SLC6A4: variants seen among roughly 807,000 people sequenced by gnomAD.
SLC6A4 encodes the protein sodium-dependent serotonin transporter.
A neutral mutation model predicts 73.4 loss-of-function variants in SLC6A4; 22 were observed. The ratio of observed to expected loss-of-function variants is 0.30; its 90% CI spans 0.21 to 0.43. The LOEUF (loss-of-function observed/expected upper bound fraction) is 0.43. Among genes scored for constraint, SLC6A4 ranks in the 20% least tolerant of loss-of-function variants. The pLI, the probability that SLC6A4 is intolerant of heterozygous loss-of-function variation, is 1.00. For missense variants in SLC6A4, 593 were observed against 808.5 expected, an observed-to-expected ratio of 0.73 and a Z score of 3.23; for synonymous variants, 270 against 315.5, an observed-to-expected ratio of 0.86 and a Z score of 1.53.
In SLC6A4 at chr17:30,222,863, C is replaced by A. The variant is rs1334026994; in HGVS notation, c.-168G>T. ...TTGCCAGCAACTCCTGTGGCTAAGC[C>A]CCTTGTTATTCTGCAAGAGAGGGCA... On this transcript the variant is annotated 5_prime_UTR_variant, in exon 2 of 15. Transcript: ENST00000650711. 7.7e-7 allele frequency: 1 copy of A among 1,304,142 alleles called. No homozygotes were observed. 80.8% of individuals were successfully genotyped at this position (1,304,142 alleles called of 1,614,324 possible). A position where few individuals can be genotyped will look rare whatever the true frequency, so the allele number is the denominator to read the frequency against.
intron 14 of SLC6A4, among the ~76,000 whole-genome samples, chr17:30,200,361 T>C (rs1905994907): frequency 6.6e-6 from 1 of 152,222 alleles, no homozygotes; most frequent in African/African-American, 2.4e-5. Flanking sequence ...ATCTAAGAAA[T>C]GGATTCCTCT....
Position 30,210,647 on chromosome 17 carries a change from CTG to C in SLC6A4, c.1318-3_1318-2del. On this transcript the variant is annotated splice_acceptor_variant and splice_polypyrimidine_tract_variant and intron_variant, in intron 10 of 14. Transcript: ENST00000650711. LOFTEE classifies it high-confidence loss of function. The stretch of plus-strand genomic sequence containing the variant: ...TGATCACCCCCTCCAAGCCTGCAAA[CTG>C]AGAGGTACAGGCAAGCAGTCACGGT... 1.9e-6 allele frequency: 3 copies of C among 1,611,238 alleles called. No individual in the cohort carries two copies. Among genetic ancestry groups the C allele is most frequent in the Non-Finnish European group, 2.5e-6 (3 of 1,178,602 alleles).
chr17:30,225,926 C>G (rs991853644), intron 1 of SLC6A4, among the ~76,000 whole-genome samples: 1 of 152,208 alleles, frequency 6.6e-6, no homozygotes, highest in Non-Finnish European at 1.5e-5. Context: ...ATTCCTCTTT[C>G]CACACACTTT....
intron 8 of SLC6A4, 89 bp downstream of exon 8, chr17:30,215,522 G>C: frequency 9.3e-7 from 1 of 1,074,748 alleles, no homozygotes; most frequent in Non-Finnish European, 1.4e-6. Flanking sequence ...GGCCAGATTC[G>C]AGGCCGTCGG....
At chr17:30,227,054 G>A (rs1906951949) in intron 1 of SLC6A4, among the ~76,000 whole-genome samples, 2 of 152,178 alleles carry the variant, frequency 1.3e-5, no homozygotes, top group Admixed American at 6.5e-5. Context: ...CTGGCTCGCC[G>A]CGGCGTGTTT....
chr17:30,225,738 A>G (rs771089208), intron 1 of SLC6A4, among the ~76,000 whole-genome samples: 2 of 152,154 alleles, frequency 1.3e-5, no homozygotes, highest in Non-Finnish European at 1.5e-5. Context: ...GTGGAATGAC[A>G]GCTGGCAGAC....
intron 14 of SLC6A4, among the ~76,000 whole-genome samples, chr17:30,202,403 G>C (rs1246737187): frequency 3.9e-5 from 6 of 152,294 alleles, no homozygotes. Context: ...GAGATTACAG[G>C]TGTGAGCCAC....
At chr17:30,210,951 A>G (rs1906367118) in intron 10 of SLC6A4, among the ~76,000 whole-genome samples, 1 of 152,140 alleles carries the variant, frequency 6.6e-6, no homozygotes, top group African/African-American at 2.4e-5. Context: ...GCTGAGACTC[A>G]CTCCACACTA....
In SLC6A4 at chr17:30,195,144, A is replaced by T. The variant is rs950241430; in HGVS notation, c.*3312T>A. On this transcript the variant is annotated 3_prime_UTR_variant, in exon 15 of 15. Transcript: ENST00000650711. ...ACTGTTTTTGAAACACCTAATGTAGAAACAATACTGAATTGATTTCAACTA... is the reference window on the plus strand; with the variant it reads ...ACTGTTTTTGAAACACCTAATGTAGTAACAATACTGAATTGATTTCAACTA... The T allele has an allele frequency of 2.7e-4, 41 of 152,228 alleles. No homozygotes were observed. Among genetic ancestry groups the T allele is most frequent in the Admixed American group, 2.6e-3 (40 of 15,280 alleles). 9.4% of individuals were successfully genotyped at this position (152,228 alleles called of 1,614,324 possible). A position where few individuals can be genotyped will look rare whatever the true frequency, so the allele number is the denominator to read the frequency against.
At chr17:30,222,398 C>A (rs1420774204) in intron 2 of SLC6A4, among the ~76,000 whole-genome samples, 2 of 152,208 alleles carry the variant, frequency 1.3e-5, no homozygotes, top group Non-Finnish European at 2.9e-5. Context: ...ACTGGACTCT[C>A]ATCTTGTGGT....
Position 30,222,082 on chromosome 17 carries a change from CTG to C in SLC6A4, c.-123-3_-123-2del. 1.3e-6 allele frequency: 2 copies of C among 1,559,276 alleles called. No homozygotes were observed. The highest frequency in any genetic ancestry group is 1.7e-6 in the Non-Finnish European group (2 of 1,150,604). ...CGGGATTGACACGTCGGGATTGACT[CTG>C]TTGGAAAGACACACAGAGGAAGGAG... On this transcript the variant is annotated splice_acceptor_variant and splice_polypyrimidine_tract_variant and intron_variant, in intron 2 of 14. Transcript: ENST00000650711. LOFTEE classifies it low-confidence loss of function (5UTR_SPLICE).
chr17:30,226,232 C>T (rs568832086), intron 1 of SLC6A4, among the ~76,000 whole-genome samples: 1 of 152,330 alleles, frequency 6.6e-6, no homozygotes, highest in South Asian at 2.1e-4. Context: ...ACTGGCAGTT[C>T]GTATCCTCTA....
At chr17:30,206,712 C>CTTTT (rs1056871791) in intron 13 of SLC6A4, among the ~76,000 whole-genome samples, 80 of 80,294 alleles carry the variant, frequency 1.0e-3, no homozygotes, top group Non-Finnish European at 1.4e-3. Flanking sequence ...CTTTTCTTTT[C>CTTTT]TTTTTTTTTT....
intron 3 of SLC6A4, among the ~76,000 whole-genome samples, chr17:30,220,447 G>A (rs560921197): frequency 6.6e-6 from 1 of 152,254 alleles, no homozygotes; most frequent in South Asian, 2.1e-4. Context: ...AACTACTTGA[G>A]AGGCTTTAGG....
In SLC6A4 at chr17:30,194,524, T is replaced by A. The variant is rs1431086675; in HGVS notation, c.*3932A>T. The A allele has an allele frequency of 6.6e-6, 1 of 152,170 alleles. No homozygotes were observed. Among genetic ancestry groups the A allele is most frequent in the Non-Finnish European group, 1.5e-5 (1 of 68,018 alleles). 9.4% of individuals were successfully genotyped at this position (152,170 alleles called of 1,614,324 possible). A position where few individuals can be genotyped will look rare whatever the true frequency, so the allele number is the denominator to read the frequency against. ...AGTATTCTGAAAAGTTGTATATAGA[T>A]CAAATCATAGTTTAAAGGCCATTCA... On this transcript the variant is annotated 3_prime_UTR_variant, in exon 15 of 15. Transcript: ENST00000650711.
rs7224199 is a variant in SLC6A4 at position 30,196,708 on chromosome 17, G to T, written c.*1748C>A. 0.5 allele frequency: 75,532 copies of T among 152,166 alleles called. 19,309 individuals carry two copies. The highest frequency in any genetic ancestry group is 0.8 in the East Asian group (4,275 of 5,322). 9.4% of individuals were successfully genotyped at this position (152,166 alleles called of 1,614,324 possible). A position where few individuals can be genotyped will look rare whatever the true frequency, so the allele number is the denominator to read the frequency against. ...AATGGGCATGAGGTGGCAGGAAGAA[G>T]GAAAGAGTGAAGATAATGGAGTTAG... On this transcript the variant is annotated 3_prime_UTR_variant, in exon 15 of 15. Transcript: ENST00000650711.
intron 4 of SLC6A4, 114 bp downstream of exon 4, chr17:30,218,683 C>G: frequency 9.1e-7 from 1 of 1,095,110 alleles, no homozygotes; most frequent in Non-Finnish European, 1.4e-6. Flanking sequence ...AGCAGTCTCC[C>G]AGGGATGCCT....
intron 14 of SLC6A4, among the ~76,000 whole-genome samples, chr17:30,198,889 A>G (rs1239993650): frequency 6.6e-6 from 1 of 152,086 alleles, no homozygotes; most frequent in Admixed American, 6.5e-5. Flanking sequence ...TGCGGCCACA[A>G]AGGGCTTGGG....
intron 1 of SLC6A4, among the ~76,000 whole-genome samples, chr17:30,230,146 G>A (rs113464413): frequency 0.24 from 29,987 of 123,452 alleles, 5,435 homozygotes; most frequent in Non-Finnish European, 0.32. Flanking sequence ...AGGAGGAGGA[G>A]GAGGAAGAGG....
Sources: allele counts gnomAD v4.1 joint callset (sites outside exome capture counted in the v4.1 genomes callset), GRCh38; gene constraint gnomAD v4.1.1; transcripts MANE v1.5; gene names NCBI Gene and HGNC (gene_info 2026-07-23, HGNC 2026-07-21).